Variants in DNAJC5 observed in about 807,000 individuals in gnomAD.
DNAJC5 encodes the protein dnaJ homolog subfamily C member 5.
In DNAJC5, 1 loss-of-function variant was observed where a neutral mutation model predicts 23.2. The observed-to-expected ratio is 0.04, with a 90% confidence interval of 0.02 to 0.20. DNAJC5 has a LOEUF of 0.20. Ranked by LOEUF, DNAJC5 falls within the 10% of genes least tolerant of loss-of-function variation. The pLI, the probability that DNAJC5 is intolerant of heterozygous loss-of-function variation, is 1.00. For missense variants in DNAJC5, 180 were observed against 267.0 expected, an observed-to-expected ratio of 0.67 and a Z score of 2.27; for synonymous variants, 136 against 120.0, an observed-to-expected ratio of 1.13 and a Z score of -0.87.
intron 1 of DNAJC5, among the ~76,000 whole-genome samples, chr20:63,898,303 G>T (rs1325041817): frequency 6.6e-6 from 1 of 152,144 alleles, no homozygotes; most frequent in Non-Finnish European, 1.5e-5. Flanking sequence ...TTTATCTGAG[G>T]TGGAGTTTGC....
Position 63,920,337 on chromosome 20 carries a change from A to G in DNAJC5, c.-11-7998A>G, listed in dbSNP as rs2053557898. The stretch of plus-strand genomic sequence containing the variant: ...GCTCTGTGTCTGCCCGGGAACAGGT[A>G]GTCCTGCGTCGGACCGGGAAGTGTG... On this transcript the variant is annotated intron_variant, in intron 1 of 4. Transcript: ENST00000360864. This position sits in a 1 kb window ranked among gnomAD's most constrained non-coding sequence, Gnocchi z 4.6. Among the ~76,000 whole-genome samples, 1 of 152,254 alleles carries G rather than the reference A, an allele frequency of 6.6e-6. No individual in the cohort carries two copies.
rs367835631 is a variant in DNAJC5 at position 63,931,062 on chromosome 20, A to T, written c.493+40A>T. Reference sequence around the variant, plus strand: ...CAGGGCCCGTGTGTGTGTGTGGGGCAGAGCCAGAATGGGCCCTGAATGGTG... The same window carrying T: ...CAGGGCCCGTGTGTGTGTGTGGGGCTGAGCCAGAATGGGCCCTGAATGGTG... On this transcript the variant is annotated intron_variant, in intron 4 of 4. Coordinates refer to ENST00000360864, the MANE Select transcript of DNAJC5 (RefSeq NM_025219.3). This position sits in a 1 kb window ranked among gnomAD's most constrained non-coding sequence, Gnocchi z 9.6. The T allele has an allele frequency of 1.3e-5, 21 of 1,600,668 alleles. No homozygotes were observed. In the African/African-American group the frequency reaches 2.7e-4, roughly 20 times the overall value.
chr20:63,895,619 C>T (rs1416042040), intron 1 of DNAJC5, among the ~76,000 whole-genome samples: 1 of 151,600 alleles, frequency 6.6e-6, no homozygotes, highest in Non-Finnish European at 1.5e-5. Context: ...TCTTCGGGCC[C>T]GGACGCCCCC....
At chr20:63,916,151 T>A (rs1210464415) in intron 1 of DNAJC5, among the ~76,000 whole-genome samples, 1 of 152,220 alleles carries the variant, frequency 6.6e-6, no homozygotes, top group Non-Finnish European at 1.5e-5. Context: ...TTTTGCCGTG[T>A]TGGTCAGGCT....
At position 63,929,274 on chromosome 20, in the gene DNAJC5, A is replaced by T. The variant is rs2053641244; in HGVS notation, c.108-38A>T. ...GCGGCGGCGGGTGCGGGTGGAACAAAGTCCAGGGTAGAGCCAGGACATGGT... is the reference window on the plus strand; with the variant it reads ...GCGGCGGCGGGTGCGGGTGGAACAATGTCCAGGGTAGAGCCAGGACATGGT... On this transcript the variant is annotated intron_variant, in intron 2 of 4. Transcript: ENST00000360864. The surrounding 1 kb of genome is among the most constrained non-coding windows in gnomAD (Gnocchi z 8.6). 6.3e-7 allele frequency: 1 copy of T among 1,594,676 alleles called. No individual in the cohort carries two copies. Among genetic ancestry groups the T allele is most frequent in the Admixed American group, 1.8e-5 (1 of 56,410 alleles).
chr20:63,902,560 G>A (rs1300223680), intron 1 of DNAJC5, among the ~76,000 whole-genome samples: 133 of 149,528 alleles, frequency 8.9e-4, no homozygotes, highest in Non-Finnish European at 4.0e-4. Flanking sequence ...TAGAGATGGG[G>A]TTTCTCCATG....
intron 1 of DNAJC5, among the ~76,000 whole-genome samples, chr20:63,901,620 G>A (rs901441909): frequency 2.0e-5 from 3 of 152,244 alleles, no homozygotes; most frequent in African/African-American, 4.8e-5. Context: ...GGTGCCTGAC[G>A]GGAGGAGTGA....
At chr20:63,902,180 G>A (rs1310863351) in intron 1 of DNAJC5, among the ~76,000 whole-genome samples, 2 of 151,408 alleles carry the variant, frequency 1.3e-5, no homozygotes, top group Admixed American at 6.6e-5. Flanking sequence ...TCAGCCTCCC[G>A]AGTAGCTGGG....
Position 63,931,149 on chromosome 20 carries a change from C to A in DNAJC5, c.493+127C>A. ...GTGCCGCGAGTGTTTGTGGTGGCAG[C>A]TGGGACTGTTGAGGTGTGAACGTGG... is the stretch of plus-strand genomic sequence containing the variant. On this transcript the variant is annotated intron_variant, in intron 4 of 4. Transcript: ENST00000360864. This position sits in a 1 kb window ranked among gnomAD's most constrained non-coding sequence, Gnocchi z 9.6. 1.8e-6 allele frequency: 2 copies of A among 1,082,426 alleles called. No individual in the cohort carries two copies. The highest frequency in any genetic ancestry group is 1.4e-6 in the Non-Finnish European group (1 of 730,376). The allele number at this position is 1,082,426 out of a possible 1,614,324, so 67.1% of individuals were successfully genotyped here.
chr20:63,899,879 G>A (rs6011213), intron 1 of DNAJC5, among the ~76,000 whole-genome samples: 3 of 133,710 alleles, frequency 2.2e-5, no homozygotes, highest in East Asian at 2.1e-4. Flanking sequence ...CTGCGCCTGG[G>A]CTTTTTTTTT....
At chr20:63,913,105 C>CCTGCCCCGTCTCCATCTCCCTGTCTG (rs1555878050) in intron 1 of DNAJC5, among the ~76,000 whole-genome samples, 88 of 152,092 alleles carry the variant, frequency 5.8e-4, no homozygotes, top group East Asian at 1.9e-3. Context: ...ACTGTCTCTC[C>CCTGCCCCGTCTCCATCTCCCTGTCTG]CAGAGGTGTT....
intron 3 of DNAJC5, 43 bp from the exon 4 acceptor site, chr20:63,930,807 AG>A: frequency 6.2e-7 from 1 of 1,610,194 alleles, no homozygotes. Context: ...CTCCCTCTCC[AG>A]GGGCCTCGGA....
chr20:63,911,361 T>C (rs768253635), intron 1 of DNAJC5, among the ~76,000 whole-genome samples: 1 of 152,214 alleles, frequency 6.6e-6, no homozygotes, highest in Non-Finnish European at 1.5e-5. Context: ...ATTAACTTTG[T>C]GACTCACGAG....
rs1214344091 is a variant in DNAJC5, at chr20:63,930,832, C to T, written c.322-19C>T. 4 of 1,611,806 alleles carry T rather than the reference C, an allele frequency of 2.5e-6. No homozygotes were observed. The highest frequency in any genetic ancestry group is 1.3e-5 in the African/African-American group (1 of 74,990). On this transcript the variant is annotated intron_variant, in intron 3 of 4. Transcript: ENST00000360864. The stretch of plus-strand genomic sequence containing the variant: ...AGGGGCCTCGGAGGCCATGCAACAC[C>T]ACCTTCTTCTCCCCCCAGGCCCTGT...
At chr20:63,895,980 C>A (rs1035704871) in intron 1 of DNAJC5, among the ~76,000 whole-genome samples, 1 of 152,184 alleles carries the variant, frequency 6.6e-6, no homozygotes, top group Non-Finnish European at 1.5e-5. Flanking sequence ...TAAAGACTCT[C>A]TTTTTCGTGT....
Position 63,928,481 on chromosome 20 carries a change from C to G in DNAJC5, c.107+29C>G. On this transcript the variant is annotated intron_variant, in intron 2 of 4. Transcript: ENST00000360864. This position sits in a 1 kb window ranked among gnomAD's most constrained non-coding sequence, Gnocchi z 4.6. ...AGTGGACAAGTGTGGCCCCCACATC[C>G]CCCCAGGAAGACACACATGCCCCGT... 1 of 1,577,396 alleles carries G rather than the reference C, an allele frequency of 6.3e-7. No homozygotes were observed. The highest frequency in any genetic ancestry group is 8.7e-7 in the Non-Finnish European group (1 of 1,146,752).
chr20:63,921,576 G>GC (rs1353898047), intron 1 of DNAJC5, among the ~76,000 whole-genome samples: 1 of 146,542 alleles, frequency 6.8e-6, no homozygotes, highest in East Asian at 2.3e-4. Context: ...GGGAGACAGA[G>GC]CGAGACTCCG....
intron 1 of DNAJC5, among the ~76,000 whole-genome samples, chr20:63,904,708 A>G (rs1334455815): frequency 1.3e-5 from 2 of 152,250 alleles, no homozygotes; most frequent in East Asian, 3.8e-4. Context: ...GCTGACTGAC[A>G]GCTGCCTCCC....
chr20:63,918,963 T>C (rs1204692717), intron 1 of DNAJC5, among the ~76,000 whole-genome samples: 2 of 152,210 alleles, frequency 1.3e-5, no homozygotes, highest in African/African-American at 4.8e-5. Context: ...AGAACAAAAA[T>C]AGACTTCCTT....
Sources: allele counts gnomAD v4.1 joint callset (sites outside exome capture counted in the v4.1 genomes callset), GRCh38; gene constraint gnomAD v4.1.1; non-coding constraint Gnocchi (gnomAD v3.1); transcripts MANE v1.5; gene names NCBI Gene and HGNC (gene_info 2026-07-23, HGNC 2026-07-21).